The following ANXA8 variants were observed in gnomAD, a reference collection of about 807,000 sequenced individuals.
The protein encoded by ANXA8 is annexin A8, also known as VAC-beta.
In ANXA8, 9 loss-of-function variants were observed where a neutral mutation model predicts 26.8. The observed-to-expected ratio is 0.34, with a 90% CI of 0.20 to 0.59. The LOEUF (loss-of-function observed/expected upper bound fraction) is 0.59, where lower values mean the gene tolerates loss of function less well. Among genes scored for constraint, ANXA8 ranks in the 20% least tolerant of loss-of-function variants. The pLI, the probability that ANXA8 is intolerant of heterozygous loss-of-function variation, is 0.84. For missense variants in ANXA8, 83 were observed against 238.5 expected (o/e 0.35, Z 4.29); for synonymous variants, 39 against 94.8 (o/e 0.41, Z 3.42).
At chr10:47,947,675 C>T in the ANXA8 span, among the ~76,000 whole-genome samples, 1 of 150,738 alleles carries the variant, frequency 6.6e-6, no homozygotes, top group Non-Finnish European at 1.5e-5. Flanking sequence ...TTCTCTTCCC[C>T]TTCTTCCATG....
the ANXA8 span, among the ~76,000 whole-genome samples, chr10:47,747,274 G>GC: frequency 6.6e-6 from 1 of 152,072 alleles, no homozygotes; most frequent in Non-Finnish European, 1.5e-5. Flanking sequence ...AACTGAAGGG[G>GC]CCAAGATATC....
At chr10:47,666,119 C>A in the ANXA8 span, among the ~76,000 whole-genome samples, 52 of 149,274 alleles carry the variant, frequency 3.5e-4, no homozygotes, top group African/African-American at 1.3e-3. Context: ...TAATTCTTTA[C>A]TAGTTGTTTT....
At chr10:47,506,735 G>A in the ANXA8 span, among the ~76,000 whole-genome samples, 1 of 145,312 alleles carries the variant, frequency 6.9e-6, no homozygotes, top group South Asian at 2.2e-4. Flanking sequence ...CGCCTCCCAA[G>A]TTCAAGCGGT....
At chr10:47,686,373 C>A in the ANXA8 span, among the ~76,000 whole-genome samples, 1 of 151,530 alleles carries the variant, frequency 6.6e-6, no homozygotes, top group Admixed American at 6.6e-5. Flanking sequence ...TGCGTGCCAC[C>A]ATACCTGGCT....
chr10:47,667,260 G>T, the ANXA8 span, among the ~76,000 whole-genome samples: 1 of 151,944 alleles, frequency 6.6e-6, no homozygotes, highest in Non-Finnish European at 1.5e-5. Flanking sequence ...CTTCATTAGT[G>T]GTTTCACTGT....
the ANXA8 span, among the ~76,000 whole-genome samples, chr10:47,653,373 C>T: frequency 1.3e-5 from 2 of 151,010 alleles, no homozygotes; most frequent in African/African-American, 2.5e-5. Context: ...ATAACAATAG[C>T]TATATTATGA....
the ANXA8 span, among the ~76,000 whole-genome samples, chr10:47,939,382 G>T: frequency 1.1e-4 from 16 of 142,652 alleles, no homozygotes; most frequent in South Asian, 3.5e-3. Context: ...GATCTTTGCA[G>T]CTTCATTCTT....
the ANXA8 span, among the ~76,000 whole-genome samples, chr10:47,647,040 G>A: frequency 2.0e-5 from 3 of 152,202 alleles, no homozygotes; most frequent in Non-Finnish European, 4.4e-5. Context: ...TTCTTTGAAT[G>A]CAAAGTTGGG....
chr10:47,955,552 G>A, the ANXA8 span, among the ~76,000 whole-genome samples: 1 of 149,898 alleles, frequency 6.7e-6, no homozygotes, highest in South Asian at 2.1e-4. Flanking sequence ...CTGTAACATG[G>A]TAATATTTGT....
chr10:47,605,997 T>A, the ANXA8 span, among the ~76,000 whole-genome samples: 4 of 149,944 alleles, frequency 2.7e-5, no homozygotes, highest in African/African-American at 7.5e-5. Flanking sequence ...TAGTCCCAGA[T>A]GGGTGAACAT....
At chr10:47,980,469 C>T in the ANXA8 span, among the ~76,000 whole-genome samples, 2 of 151,672 alleles carry the variant, frequency 1.3e-5, no homozygotes, top group Admixed American at 1.3e-4. Flanking sequence ...AGGGAAAAAA[C>T]AAGAGTAATT....
the ANXA8 span, among the ~76,000 whole-genome samples, chr10:47,743,407 A>T: frequency 0.044 from 2,398 of 55,084 alleles, 32 homozygotes; most frequent in South Asian, 0.087. Context: ...TGTGTGTGTG[A>T]GAGAGAGAGA....
the ANXA8 span, among the ~76,000 whole-genome samples, chr10:47,742,997 A>C: frequency 7.0e-6 from 1 of 142,850 alleles, no homozygotes; most frequent in Non-Finnish European, 1.5e-5. Flanking sequence ...TACTAAAAAA[A>C]AAAAAAAAAA....
At chr10:47,733,205 C>CT in the ANXA8 span, among the ~76,000 whole-genome samples, 7 of 78,746 alleles carry the variant, frequency 8.9e-5, 1 homozygote, top group African/African-American at 2.0e-4. Flanking sequence ...TTCTTTCTTT[C>CT]TTTCTTTCTT....
At chr10:47,747,256 G>A in the ANXA8 span, among the ~76,000 whole-genome samples, 1 of 152,190 alleles carries the variant, frequency 6.6e-6, no homozygotes, top group South Asian at 2.1e-4. Context: ...GGTTGTCAAG[G>A]CAGCTGGAAC....
the ANXA8 span, among the ~76,000 whole-genome samples, chr10:47,696,801 G>T: frequency 1.3e-5 from 2 of 149,188 alleles, no homozygotes; most frequent in African/African-American, 4.9e-5. Flanking sequence ...AGAATCTATA[G>T]ACCATTTCTC....
At chr10:47,951,156 T>A in the ANXA8 span, among the ~76,000 whole-genome samples, 1 of 149,340 alleles carries the variant, frequency 6.7e-6, no homozygotes, top group Non-Finnish European at 1.5e-5. Flanking sequence ...ATGGGGATAT[T>A]ATAGAAGCTT....
the ANXA8 span, among the ~76,000 whole-genome samples, chr10:47,940,531 T>C: frequency 1.4e-5 from 2 of 145,574 alleles, no homozygotes; most frequent in African/African-American, 2.7e-5. Context: ...TCTGCCTCTA[T>C]TTAAGAAAGC....
the ANXA8 span, among the ~76,000 whole-genome samples, chr10:47,952,076 T>TAAA: frequency 1.1e-4 from 17 of 148,568 alleles, no homozygotes; most frequent in Admixed American, 1.1e-3. Context: ...TACTTTTTTT[T>TAAA]AAAAAAATAA....
Sources: gnomAD v4.1 joint callset for allele counts (sites outside exome capture counted in the v4.1 genomes callset) on GRCh38, gnomAD v4.1.1 for gene constraint, MANE v1.5 for transcripts, NCBI Gene and HGNC (gene_info 2026-07-23, HGNC 2026-07-21) for gene names.